HAL: variants seen among roughly 807,000 people sequenced by gnomAD.
The protein encoded by HAL is histidase.
A neutral mutation model predicts 81.1 loss-of-function variants in HAL; 85 were observed. The observed-to-expected ratio is 1.05, with a 90% CI of 0.88 to 1.25. HAL has a LOEUF of 1.25. Ranked by LOEUF, HAL falls within the 50% of genes most tolerant of loss-of-function variation. The pLI is 0.00. For missense variants in HAL, 798 were observed against 836.6 expected (o/e 0.95, Z 0.57); for synonymous variants, 301 against 309.2 (o/e 0.97, Z 0.28).
At chr12:95,996,050 T>G in intron 1 of HAL, 28 bp downstream of exon 1, 1 of 827,394 alleles carries the variant, frequency 1.2e-6, no homozygotes, top group South Asian at 1.5e-5. Context: ...TACTCATTCA[T>G]GCATTGGACA....
At chr12:95,992,040 A>G (rs1949976542) in intron 9 of HAL, among the ~76,000 whole-genome samples, 1 of 152,210 alleles carries the variant, frequency 6.6e-6, no homozygotes, top group African/African-American at 2.4e-5. Flanking sequence ...CTGACCTAGA[A>G]GGCTTGTCCT....
Position 95,974,146 on chromosome 12 carries a change from G to T in HAL, c.*86C>A. 1 of 1,185,562 alleles carries T rather than the reference G, an allele frequency of 8.4e-7. No individual in the cohort carries two copies. The highest frequency in any genetic ancestry group is 1.3e-6 in the Non-Finnish European group (1 of 789,272). 73.4% of individuals were successfully genotyped at this position (1,185,562 alleles called of 1,614,324 possible). ...TGATACAATGGATTGATCTACCTAGGAAAGTTCTCAGGTCTCTCCTTCAGC... is the reference window on the plus strand; with the variant it reads ...TGATACAATGGATTGATCTACCTAGTAAAGTTCTCAGGTCTCTCCTTCAGC... On this transcript the variant is annotated 3_prime_UTR_variant, in exon 21 of 21. Coordinates refer to ENST00000261208, the MANE Select transcript of HAL (RefSeq NM_002108.4).
At position 95,991,919 on chromosome 12, in the gene HAL, G is replaced by A. The variant is rs375350566; in HGVS notation, c.715+761C>T. Among the ~76,000 whole-genome samples, 5 of 152,282 alleles carry A rather than the reference G, an allele frequency of 3.3e-5. 1 individual carries two copies. The highest frequency in any genetic ancestry group is 7.2e-5 in the African/African-American group (3 of 41,550). The stretch of plus-strand genomic sequence containing the variant: ...CCACTCATTGGCAGATCCTATTCAC[G>A]TGCCACTTGCGTCCATAACATGGAA... On this transcript the variant is annotated intron_variant, in intron 9 of 20. Transcript: ENST00000261208.
Position 95,984,116 on chromosome 12 carries a change from T to A in HAL, c.1207-125A>T, listed in dbSNP as rs1021654853. On this transcript the variant is annotated intron_variant, in intron 14 of 20. Transcript: ENST00000261208. ...GAATACAGAAGATCTTATTTTAAAG[T>A]TATAACCATGGAAATTATTTGAACT... The A allele has an allele frequency of 1.3e-4, 84 of 649,008 alleles. No homozygotes were observed. The African/African-American group carries it at 1.4e-3, about 11-fold the overall frequency. 40.2% of individuals were successfully genotyped at this position (649,008 alleles called of 1,614,324 possible).
chr12:95,977,029 G>A (rs1002053671), intron 18 of HAL, among the ~76,000 whole-genome samples: 24 of 152,084 alleles, frequency 1.6e-4, no homozygotes, highest in Admixed American at 1.5e-3. Flanking sequence ...CTCTAACAAA[G>A]GTTTGTTGGC....
At chr12:95,995,515 C>A in intron 2 of HAL, 149 bp downstream of exon 2, 1 of 1,002,410 alleles carries the variant, frequency 1.0e-6, no homozygotes, top group East Asian at 2.5e-5. Flanking sequence ...GACTTAAGAT[C>A]CCCAGAGGCG....
chr12:95,977,349 C>T (rs1248841977), intron 18 of HAL, among the ~76,000 whole-genome samples: 1 of 151,214 alleles, frequency 6.6e-6, no homozygotes, highest in African/African-American at 2.4e-5. Context: ...TCATGGTACT[C>T]TTCTCTCCAC....
In HAL at chr12:95,996,078, C is replaced by A. The variant is rs898583664; in HGVS notation, c.-82G>T. On this transcript the variant is annotated splice_region_variant and 5_prime_UTR_variant, in exon 1 of 21. Transcript: ENST00000261208. ...ATTGGACAAATATTTATTGAGGTAC[C>A]TGCTGTCCCTTTGGTTTTTGTAGCC... The A allele has an allele frequency of 9.8e-6, 7 of 713,504 alleles. No individual in the cohort carries two copies. The highest frequency in any genetic ancestry group is 2.2e-5 in the Admixed American group (1 of 45,640). 44.2% of individuals were successfully genotyped at this position (713,504 alleles called of 1,614,324 possible).
rs181164149 is a variant in HAL at position 95,990,587 on chromosome 12, T to G, written c.716-55A>C. The G allele has an allele frequency of 2.6e-4, 400 of 1,519,242 alleles. No individual in the cohort carries two copies. In the African/African-American group the frequency reaches 4.8e-3, roughly 18 times the overall value. The allele number at this position is 1,519,242 out of a possible 1,614,324, so 94.1% of individuals were successfully genotyped here. ...AAGAGTACTGCATTCTGACTCTCCT[T>G]GCTTTGCCAGTGAGTGCCCCCACTG... On this transcript the variant is annotated intron_variant, in intron 9 of 20. Coordinates refer to ENST00000261208, the MANE Select transcript of HAL (RefSeq NM_002108.4).
chr12:95,979,026 T>C (rs534697462), intron 17 of HAL, among the ~76,000 whole-genome samples: 4 of 152,350 alleles, frequency 2.6e-5, no homozygotes, highest in Admixed American at 2.0e-4. Context: ...CTGTGGACTA[T>C]ACAGATAAGT....
Position 95,976,788 on chromosome 12 carries a change from C to G in HAL, c.1655-82G>C, listed in dbSNP as rs1355142858. 6.2e-6 allele frequency: 5 copies of G among 811,266 alleles called. No individual in the cohort carries two copies. The East Asian group carries it at 1.3e-4, about 21-fold the overall frequency. 50.3% of individuals were successfully genotyped at this position (811,266 alleles called of 1,614,324 possible). On this transcript the variant is annotated intron_variant, in intron 18 of 20. Coordinates refer to ENST00000261208, the MANE Select transcript of HAL (RefSeq NM_002108.4). ...AATGTGGATTTCCCAAAGTTGACAC[C>G]CATCACCACCCAACTAACAGATGGT...
rs117562170 is a variant in HAL at position 95,973,702 on chromosome 12, A to C, written c.*530T>G. 5,288 of 157,044 alleles carry C rather than the reference A, an allele frequency of 0.034. 175 individuals carry two copies. The highest frequency in any genetic ancestry group is 0.046 in the Non-Finnish European group (3,257 of 70,902). 9.7% of individuals were successfully genotyped at this position (157,044 alleles called of 1,614,324 possible). On this transcript the variant is annotated 3_prime_UTR_variant, in exon 21 of 21. Transcript: ENST00000261208. Reference sequence around the variant, plus strand: ...CTATGATCCAATTAATAGAAGAAAAAAGCAGCTTAAGGACAAATTATGACT... The same window carrying C: ...CTATGATCCAATTAATAGAAGAAAACAGCAGCTTAAGGACAAATTATGACT...
At chr12:95,984,565 C>T (rs1949853975) in intron 14 of HAL, among the ~76,000 whole-genome samples, 3 of 152,232 alleles carry the variant, frequency 2.0e-5, no homozygotes. Context: ...TATAAAGCAG[C>T]ACCTGGCTCT....
Position 95,986,967 on chromosome 12 carries a change from A to G in HAL, c.1051+100T>C, listed in dbSNP as rs1186854052. 4 of 1,022,028 alleles carry G rather than the reference A, an allele frequency of 3.9e-6. No individual in the cohort carries two copies. In the Admixed American group the frequency reaches 5.1e-5, roughly 13 times the overall value. The allele number at this position is 1,022,028 out of a possible 1,614,324, so 63.3% of individuals were successfully genotyped here. A position where few individuals can be genotyped will look rare whatever the true frequency, so the allele number is the denominator to read the frequency against. The stretch of plus-strand genomic sequence containing the variant: ...AGGCACTTGGGTTTTCTCCTTCCCT[A>G]CTACCTGCCCCCACCACTTCTGTGT... On this transcript the variant is annotated intron_variant, in intron 12 of 20. Coordinates refer to ENST00000261208, the MANE Select transcript of HAL (RefSeq NM_002108.4).
intron 4 of HAL, among the ~76,000 whole-genome samples, 154 bp downstream of exon 4, chr12:95,994,644 C>T (rs1369293664): frequency 1.3e-5 from 2 of 152,214 alleles, no homozygotes; most frequent in Non-Finnish European, 2.9e-5. Flanking sequence ...CCCACCTCGG[C>T]CACCCAAAGT....
At chr12:95,986,260 T>A in intron 12 of HAL, 100 bp from the exon 13 acceptor site, 2 of 761,078 alleles carry the variant, frequency 2.6e-6, no homozygotes, top group Non-Finnish European at 4.6e-6. Flanking sequence ...TTCAAACTCC[T>A]GGGCTCTAGC....
intron 9 of HAL, among the ~76,000 whole-genome samples, chr12:95,991,724 G>C (rs981130369): frequency 6.6e-6 from 1 of 152,182 alleles, no homozygotes. Context: ...AGGTGCCTTA[G>C]ACTCCCCCAT....
chr12:95,979,767 G>T (rs2080768850), intron 17 of HAL, among the ~76,000 whole-genome samples: 1 of 152,188 alleles, frequency 6.6e-6, no homozygotes, highest in African/African-American at 2.4e-5. Flanking sequence ...CTCATTAATT[G>T]AAGTAAAAGC....
At chr12:95,991,651 G>A (rs879912757) in intron 9 of HAL, among the ~76,000 whole-genome samples, 20 of 152,152 alleles carry the variant, frequency 1.3e-4, no homozygotes, top group Admixed American at 5.9e-4. Flanking sequence ...AATGTCAGTC[G>A]GGTATGGCAG....
Sources: allele counts gnomAD v4.1 joint callset (sites outside exome capture counted in the v4.1 genomes callset), GRCh38; gene constraint gnomAD v4.1.1; transcripts MANE v1.5; gene names NCBI Gene and HGNC (gene_info 2026-07-23, HGNC 2026-07-21).